CRACD: variants seen among roughly 807,000 people sequenced by gnomAD.
CRACD encodes the protein capping protein-inhibiting regulator of actin dynamics.
A neutral mutation model predicts 106.8 loss-of-function variants in CRACD; 56 were observed. That is an observed-to-expected ratio of 0.52 (90% CI 0.42 to 0.66). The LOEUF is 0.66. Among genes scored for constraint, CRACD ranks in the 30% least tolerant of loss-of-function variants. The probability of loss-of-function intolerance (pLI) is 0.00; values close to 1 mark genes in which losing one functional copy is unlikely to be tolerated. For synonymous variants in CRACD, 754 were observed against 670.8 expected (o/e 1.12, Z -1.92); for missense variants, 1,730 against 1,623.2 (o/e 1.07, Z -1.13).
chr4:56,085,049 G>T (rs1326726070), intron 1 of CRACD, among the ~76,000 whole-genome samples: 2 of 152,204 alleles, frequency 1.3e-5, no homozygotes, highest in Non-Finnish European at 2.9e-5. Context: ...TTGCTTTTAT[G>T]TGTGTGATTG....
chr4:56,096,706 GAA>G (rs1444121611), intron 1 of CRACD, among the ~76,000 whole-genome samples: 2 of 152,164 alleles, frequency 1.3e-5, no homozygotes, highest in African/African-American at 4.8e-5. Flanking sequence ...TGAGGACTGA[GAA>G]GTGACCATTG....
At chr4:56,298,135 C>G in intron 3 of CRACD, 79 bp from the exon 4 acceptor site, 1 of 1,473,168 alleles carries the variant, frequency 6.8e-7, no homozygotes, top group Non-Finnish European at 9.3e-7. Flanking sequence ...TGGAGTCCCT[C>G]CAATCAGGAA....
intron 2 of CRACD, among the ~76,000 whole-genome samples, chr4:56,186,787 C>G (rs1449127017): frequency 6.6e-6 from 1 of 152,174 alleles, no homozygotes; most frequent in East Asian, 1.9e-4. Flanking sequence ...GGGGGCCAGG[C>G]ACGGTGGCCC....
intron 4 of CRACD, among the ~76,000 whole-genome samples, chr4:56,300,541 C>T (rs916542321): frequency 6.6e-6 from 1 of 152,210 alleles, no homozygotes; most frequent in Non-Finnish European, 1.5e-5. Context: ...CCCCCCTCCT[C>T]CTTACCTTTC....
At chr4:56,264,861 A>G (rs1211574164) in intron 2 of CRACD, among the ~76,000 whole-genome samples, 1 of 152,244 alleles carries the variant, frequency 6.6e-6, no homozygotes, top group East Asian at 1.9e-4. Flanking sequence ...GTTCTTCTAC[A>G]TGGCTTCAGC....
chr4:56,162,202 A>ATTAT (rs537959969), intron 1 of CRACD, among the ~76,000 whole-genome samples: 6 of 150,526 alleles, frequency 4.0e-5, no homozygotes, highest in African/African-American at 1.5e-4. Context: ...AATTATTATT[A>ATTAT]TTTTTTTTTA....
At chr4:56,235,507 T>C (rs528625241) in intron 2 of CRACD, among the ~76,000 whole-genome samples, 68 of 152,352 alleles carry the variant, frequency 4.5e-4, no homozygotes, top group African/African-American at 1.5e-3. Context: ...ATTGCTCTCT[T>C]TGAACAAAGG....
At chr4:56,324,903 ATGTT>A (rs1746329815) in intron 10 of CRACD, among the ~76,000 whole-genome samples, 1 of 138,476 alleles carries the variant, frequency 7.2e-6, no homozygotes, top group Non-Finnish European at 1.6e-5. Context: ...AATGTTTGAA[ATGTT>A]TGAGGTCATG....
At chr4:56,249,924 T>C (rs115736287) in intron 2 of CRACD, among the ~76,000 whole-genome samples, 3,043 of 152,320 alleles carry the variant, frequency 0.02, 91 homozygotes, top group African/African-American at 0.069. Context: ...AGGCAACCTG[T>C]GGGAGAGTTA....
At chr4:56,294,842 A>G (rs1034411379) in intron 3 of CRACD, among the ~76,000 whole-genome samples, 3 of 148,672 alleles carry the variant, frequency 2.0e-5, no homozygotes, top group Non-Finnish European at 4.4e-5. Context: ...TGAACCCAGA[A>G]GGTGGAGGTT....
chr4:56,301,756 C>G (rs555701859), intron 4 of CRACD, among the ~76,000 whole-genome samples: 2 of 151,918 alleles, frequency 1.3e-5, no homozygotes, highest in Non-Finnish European at 2.9e-5. Context: ...GAACTCAATA[C>G]AGCAAAAACC....
intron 3 of CRACD, among the ~76,000 whole-genome samples, chr4:56,295,164 C>T (rs1743936882): frequency 6.6e-6 from 1 of 151,916 alleles, no homozygotes; most frequent in African/African-American, 2.4e-5. Context: ...ATAATATAGA[C>T]AGTTACTTAA....
intron 2 of CRACD, among the ~76,000 whole-genome samples, chr4:56,209,927 G>T (rs1360517981): frequency 1.3e-5 from 2 of 152,164 alleles, no homozygotes; most frequent in African/African-American, 4.8e-5. Flanking sequence ...GAATTTACAT[G>T]CCAGGAGAAG....
At chr4:56,276,684 A>T (rs1326340941) in intron 3 of CRACD, among the ~76,000 whole-genome samples, 1 of 152,188 alleles carries the variant, frequency 6.6e-6, no homozygotes, top group Non-Finnish European at 1.5e-5. Context: ...AACATCCACT[A>T]CTGTGCCTCT....
At chr4:56,121,965 C>T (rs1734499954) in intron 1 of CRACD, among the ~76,000 whole-genome samples, 1 of 152,120 alleles carries the variant, frequency 6.6e-6, no homozygotes, top group Non-Finnish European at 1.5e-5. Context: ...ATTGCCAGTG[C>T]ATGATGATAA....
intron 3 of CRACD, among the ~76,000 whole-genome samples, chr4:56,284,673 C>T (rs1382712077): frequency 6.6e-6 from 1 of 152,008 alleles, no homozygotes; most frequent in Non-Finnish European, 1.5e-5. Flanking sequence ...TGCAGTGAGC[C>T]GAGATGGTGC....
chr4:56,077,948 G>C (rs1172467881), intron 1 of CRACD, among the ~76,000 whole-genome samples: 1 of 152,106 alleles, frequency 6.6e-6, no homozygotes, highest in Non-Finnish European at 1.5e-5. Context: ...AAGGAATGCA[G>C]GAATTTGCCT....
At chr4:56,323,611 T>C (rs1746246863) in intron 9 of CRACD, 44 bp downstream of exon 9, 1 of 1,470,330 alleles carries the variant, frequency 6.8e-7, no homozygotes, top group Admixed American at 2.9e-5. Flanking sequence ...TTCCTGAGCT[T>C]GGTTCTCTTT....
chr4:56,315,086 C>A lies in CRACD; in HGVS notation c.1584C>A (p.Asp528Glu), dbSNP rs919644903. 6.2e-7 allele frequency: 1 copy of A among 1,610,698 alleles called. No homozygotes were observed. Among genetic ancestry groups the A allele is most frequent in the African/African-American group, 1.3e-5 (1 of 74,800 alleles). The change falls in exon 8 of 11, where the codon GAC (aspartate) becomes GAA (glutamate). Residue 528 changes from aspartate to glutamate, a missense_variant. Coordinates refer to ENST00000682029, the MANE Select transcript of CRACD (RefSeq NM_001393381.1). The surrounding 1 kb of genome is among the most constrained non-coding windows in gnomAD (Gnocchi z 4.1). ...AGGAGCTGCGGTGGCAGGAGGTGGA[C>A]GAGAGACAGACCATGCCCCGGCCCT... ...KVEELRWQEV[D>E]ERQTMPRPYT...
Sources: allele counts gnomAD v4.1 joint callset (sites outside exome capture counted in the v4.1 genomes callset), GRCh38; gene constraint gnomAD v4.1.1; non-coding constraint Gnocchi (gnomAD v3.1); transcripts MANE v1.5; gene names NCBI Gene and HGNC (gene_info 2026-07-23, HGNC 2026-07-21).